The following PPARGC1A variants were observed in gnomAD, a reference collection of about 807,000 sequenced individuals.
PPARGC1A encodes the protein PPARG coactivator 1 alpha, also known as peroxisome proliferator-activated receptor gamma coactivator 1-alpha.
Under a neutral mutation model 88.7 loss-of-function variants are expected in PPARGC1A, and 25 were observed. That is an observed-to-expected ratio of 0.28 (90% CI 0.21 to 0.39). The LOEUF is 0.39. Ranked by LOEUF, PPARGC1A falls within the 10% of genes least tolerant of loss-of-function variation. The pLI is 1.00. For missense variants in PPARGC1A, 880 were observed against 968.7 expected, an observed-to-expected ratio of 0.91 and a Z score of 1.22; for synonymous variants, 363 against 355.6, an observed-to-expected ratio of 1.02 and a Z score of -0.24.
chr4:23,885,647 T>TGC (rs71639814), intron 1 of PPARGC1A, among the ~76,000 whole-genome samples: 2 of 28,988 alleles, frequency 6.9e-5, no homozygotes, highest in East Asian at 7.7e-4. Flanking sequence ...ACTTGCAAGA[T>TGC]GTGTGTGTGT....
At chr4:24,449,742 T>C in the PPARGC1A span, among the ~76,000 whole-genome samples, 1 of 152,246 alleles carries the variant, frequency 6.6e-6, no homozygotes. Context: ...ATAGTCATCA[T>C]GTGATTTTGA....
the PPARGC1A span, among the ~76,000 whole-genome samples, chr4:24,253,823 G>A: frequency 1.3e-5 from 2 of 152,190 alleles, no homozygotes; most frequent in Non-Finnish European, 2.9e-5. Flanking sequence ...CTAAAAAGAA[G>A]AAGGTTACAA....
chr4:24,152,349 C>T, the PPARGC1A span, among the ~76,000 whole-genome samples: 1 of 152,174 alleles, frequency 6.6e-6, no homozygotes, highest in South Asian at 2.1e-4. Flanking sequence ...ATTTATGGAA[C>T]ACCTGATGTG....
chr4:24,309,223 G>A, the PPARGC1A span, among the ~76,000 whole-genome samples: 1 of 152,214 alleles, frequency 6.6e-6, no homozygotes. Context: ...ACAAGGTGAT[G>A]AGATAGAAAG....
At chr4:24,464,691 G>A in the PPARGC1A span, among the ~76,000 whole-genome samples, 14 of 152,142 alleles carry the variant, frequency 9.2e-5, no homozygotes, top group African/African-American at 2.7e-4. Flanking sequence ...TATAGAAGAC[G>A]TGCTCACAAA....
At chr4:24,055,974 A>G in the PPARGC1A span, among the ~76,000 whole-genome samples, 1 of 152,214 alleles carries the variant, frequency 6.6e-6, no homozygotes, top group Admixed American at 6.5e-5. Flanking sequence ...TCTAACACAC[A>G]TAAGAAGTTT....
intron 10 of PPARGC1A, among the ~76,000 whole-genome samples, chr4:23,804,361 C>T (rs1019784659): frequency 6.6e-6 from 1 of 152,170 alleles, no homozygotes; most frequent in African/African-American, 2.4e-5. Context: ...ATTTTTATCC[C>T]CTAAATCTCT....
the PPARGC1A span, among the ~76,000 whole-genome samples, chr4:24,071,324 A>G: frequency 6.6e-6 from 1 of 151,914 alleles, no homozygotes; most frequent in Non-Finnish European, 1.5e-5. Flanking sequence ...AACCACCAAT[A>G]CTCTGTTTCC....
At chr4:24,469,036 G>T in the PPARGC1A span, among the ~76,000 whole-genome samples, 2 of 152,026 alleles carry the variant, frequency 1.3e-5, no homozygotes, top group African/African-American at 2.4e-5. Context: ...ACTAGGAAAA[G>T]GATTTTTAAT....
At chr4:24,182,021 T>C in the PPARGC1A span, among the ~76,000 whole-genome samples, 1 of 152,180 alleles carries the variant, frequency 6.6e-6, no homozygotes, top group Non-Finnish European at 1.5e-5. Flanking sequence ...CTAGGATACA[T>C]GTGCAGAACG....
At chr4:24,378,194 G>T in the PPARGC1A span, among the ~76,000 whole-genome samples, 1 of 152,040 alleles carries the variant, frequency 6.6e-6, no homozygotes, top group African/African-American at 2.4e-5. Flanking sequence ...AAAATTAGCT[G>T]GGCATGGCTG....
At chr4:24,334,743 G>A in the PPARGC1A span, among the ~76,000 whole-genome samples, 2 of 152,174 alleles carry the variant, frequency 1.3e-5, no homozygotes, top group Non-Finnish European at 2.9e-5. Flanking sequence ...CAAACACATT[G>A]AACATTTCCA....
chr4:24,118,374 A>T, the PPARGC1A span, among the ~76,000 whole-genome samples: 3 of 152,184 alleles, frequency 2.0e-5, no homozygotes, highest in African/African-American at 7.2e-5. Flanking sequence ...AAACGTTAGA[A>T]GGTGCCACTC....
chr4:24,065,617 G>A, the PPARGC1A span, among the ~76,000 whole-genome samples: 1 of 152,110 alleles, frequency 6.6e-6, no homozygotes, highest in Non-Finnish European at 1.5e-5. Context: ...TGTATGAGAA[G>A]GAAAACCACC....
At chr4:24,072,345 A>G in the PPARGC1A span, among the ~76,000 whole-genome samples, 5 of 151,892 alleles carry the variant, frequency 3.3e-5, no homozygotes, top group East Asian at 9.7e-4. Flanking sequence ...TATACTATTG[A>G]GTTTTAGTCA....
intron 2 of PPARGC1A, among the ~76,000 whole-genome samples, chr4:23,872,920 A>G (rs923346795): frequency 2.6e-5 from 4 of 152,148 alleles, no homozygotes; most frequent in African/African-American, 9.6e-5. Flanking sequence ...GGCCGGGTGC[A>G]GTGGCTCACA....
At chr4:24,307,754 G>A in the PPARGC1A span, among the ~76,000 whole-genome samples, 1 of 152,204 alleles carries the variant, frequency 6.6e-6, no homozygotes, top group Non-Finnish European at 1.5e-5. Flanking sequence ...TAATTAACAG[G>A]AACCAGAGTC....
chr4:24,216,789 C>T, the PPARGC1A span, among the ~76,000 whole-genome samples: 28 of 152,176 alleles, frequency 1.8e-4, no homozygotes, highest in South Asian at 4.6e-3. Context: ...AGTAAGCACC[C>T]GTTAGATTTC....
intron 2 of PPARGC1A, among the ~76,000 whole-genome samples, chr4:23,843,433 G>C (rs920056529): frequency 6.6e-6 from 1 of 151,994 alleles, no homozygotes; most frequent in Non-Finnish European, 1.5e-5. Flanking sequence ...GCTGTTTTCA[G>C]AACTGACTGA....
Sources: allele counts gnomAD v4.1 joint callset (sites outside exome capture counted in the v4.1 genomes callset), GRCh38; gene constraint gnomAD v4.1.1; transcripts MANE v1.5; gene names NCBI Gene and HGNC (gene_info 2026-07-23, HGNC 2026-07-21).